Variants in DAP observed in about 807,000 individuals in gnomAD.
DAP encodes the protein death-associated protein 1.
DAP carries 8 observed loss-of-function variants against 13.8 expected under a neutral mutation model. The ratio of observed to expected loss-of-function variants is 0.58; its 90% CI spans 0.34 to 1.05. The LOEUF (loss-of-function observed/expected upper bound fraction) is 1.05. Ranked by LOEUF, DAP falls within the 50% of genes least tolerant of loss-of-function variation. DAP has a pLI of 0.03. For missense variants in DAP, 106 were observed against 133.2 expected, an observed-to-expected ratio of 0.80 and a Z score of 1.01; for synonymous variants, 47 against 47.5, an observed-to-expected ratio of 0.99 and a Z score of 0.04.
At chr5:10,701,615 G>A (rs1292536782) in intron 2 of DAP, among the ~76,000 whole-genome samples, 1 of 135,170 alleles carries the variant, frequency 7.4e-6, no homozygotes, top group African/African-American at 2.7e-5. Flanking sequence ...GGGCGGGGGG[G>A]CAGTGGGTGG....
At chr5:10,703,665 C>G (rs1262725433) in intron 2 of DAP, among the ~76,000 whole-genome samples, 8 of 152,212 alleles carry the variant, frequency 5.3e-5, no homozygotes, top group Admixed American at 5.2e-4. Flanking sequence ...TAATTCATAA[C>G]GGACTGGTAC....
At chr5:10,748,389 G>A (rs1426469406) in intron 1 of DAP, 118 bp from the exon 2 acceptor site, 1 of 765,380 alleles carries the variant, frequency 1.3e-6, no homozygotes, top group African/African-American at 1.7e-5. Flanking sequence ...GGAGAATCTG[G>A]CAATGAAAAT....
chr5:10,724,089 T>C (rs557069580), intron 2 of DAP, among the ~76,000 whole-genome samples: 1 of 152,214 alleles, frequency 6.6e-6, no homozygotes, highest in South Asian at 2.1e-4. Flanking sequence ...CAAAATGTTA[T>C]ACAATAATTT....
At chr5:10,713,447 G>A (rs1433900141) in intron 2 of DAP, among the ~76,000 whole-genome samples, 6 of 152,216 alleles carry the variant, frequency 3.9e-5, no homozygotes, top group African/African-American at 1.4e-4. Flanking sequence ...GAGGGAGGCA[G>A]AAGAGTGAAA....
chr5:10,757,168 AGTC>A (rs1740209767), intron 1 of DAP, among the ~76,000 whole-genome samples: 1 of 152,204 alleles, frequency 6.6e-6, no homozygotes, highest in Non-Finnish European at 1.5e-5. Context: ...CCAGTGATGG[AGTC>A]GTCTGTCGGG....
intron 2 of DAP, among the ~76,000 whole-genome samples, chr5:10,718,805 T>G (rs190932296): frequency 1.5e-4 from 23 of 152,350 alleles, no homozygotes; most frequent in Admixed American, 3.3e-4. Flanking sequence ...CAATTTGCCT[T>G]CATCTGGCAA....
At chr5:10,731,495 GGCTCAGCAGTGCTCCCT>G (rs1739460273) in intron 2 of DAP, among the ~76,000 whole-genome samples, 1 of 152,176 alleles carries the variant, frequency 6.6e-6, no homozygotes, top group Non-Finnish European at 1.5e-5. Flanking sequence ...CCTAACATCT[GGCTCAGCAGTGCTCCCT>G]GCACTTCATT....
chr5:10,732,180 AT>A (rs1361715365), intron 2 of DAP, among the ~76,000 whole-genome samples: 1 of 152,232 alleles, frequency 6.6e-6, no homozygotes, highest in African/African-American at 2.4e-5. Flanking sequence ...CTTCCTTTTT[AT>A]TGAGGTAACA....
chr5:10,701,812 T>C (rs986977857), intron 2 of DAP, among the ~76,000 whole-genome samples: 2 of 152,190 alleles, frequency 1.3e-5, no homozygotes, highest in Non-Finnish European at 2.9e-5. Context: ...TCTCAAAGCA[T>C]GTCAGACTAA....
At chr5:10,734,758 T>C (rs1411746066) in intron 2 of DAP, among the ~76,000 whole-genome samples, 1 of 152,226 alleles carries the variant, frequency 6.6e-6, no homozygotes. Context: ...TATTGGGCCA[T>C]GATGAATTAA....
rs138182085 is a variant in DAP at position 10,742,740 on chromosome 5, C to T, written c.152+5435G>A. On this transcript the variant is annotated intron_variant, in intron 2 of 3. Transcript: ENST00000230895. ...TGGAATCAACTACTTCTCCAAGGAA[C>T]CGTGGTTCCTCTGACTGGGGAATGG... Among the ~76,000 whole-genome samples the T allele has an allele frequency of 3.4e-3, 518 of 152,196 alleles. 3 individuals are homozygous for T. The highest frequency in any genetic ancestry group is 0.012 in the African/African-American group (504 of 41,518).
intron 2 of DAP, among the ~76,000 whole-genome samples, chr5:10,710,623 G>A (rs1403038190): frequency 6.6e-6 from 1 of 152,190 alleles, no homozygotes; most frequent in Admixed American, 6.5e-5. Context: ...ACCAATGGAC[G>A]GGCTGGTGGG....
chr5:10,758,222 TA>T (rs764070266), intron 1 of DAP, among the ~76,000 whole-genome samples: 1 of 147,262 alleles, frequency 6.8e-6, no homozygotes, highest in Non-Finnish European at 1.5e-5. Context: ...TTTTTTTTTT[TA>T]AAAACTATCT....
chr5:10,682,535 C>T (rs1440745080), intron 3 of DAP, among the ~76,000 whole-genome samples: 1 of 151,382 alleles, frequency 6.6e-6, no homozygotes, highest in East Asian at 1.9e-4. Context: ...AGGCCAGCGC[C>T]CACCAGCGTC....
intron 2 of DAP, among the ~76,000 whole-genome samples, chr5:10,688,689 CA>C (rs1738218547): frequency 6.6e-6 from 1 of 151,738 alleles, no homozygotes; most frequent in Non-Finnish European, 1.5e-5. Context: ...ACTGTCCCAT[CA>C]CAACTGCTGA....
chr5:10,686,566 A>G (rs2126635666), intron 2 of DAP, among the ~76,000 whole-genome samples: 1 of 152,336 alleles, frequency 6.6e-6, no homozygotes, highest in East Asian at 1.9e-4. Flanking sequence ...TCTGGATAAA[A>G]GACAAGCCAC....
chr5:10,746,606 T>G (rs1739912902), intron 2 of DAP, among the ~76,000 whole-genome samples: 1 of 152,134 alleles, frequency 6.6e-6, no homozygotes, highest in Non-Finnish European at 1.5e-5. Context: ...CTGGGATTAC[T>G]GGCGTGAGAC....
intron 2 of DAP, among the ~76,000 whole-genome samples, chr5:10,732,253 C>T (rs1051433776): frequency 1.3e-5 from 2 of 152,204 alleles, no homozygotes; most frequent in African/African-American, 4.8e-5. Context: ...GCTTTTAATA[C>T]ATTCACTATG....
At chr5:10,709,084 G>A (rs539092310) in intron 2 of DAP, among the ~76,000 whole-genome samples, 1 of 152,308 alleles carries the variant, frequency 6.6e-6, no homozygotes, top group Admixed American at 6.5e-5. Context: ...GGCACCTCTG[G>A]AATAGACAAG....
Sources: gnomAD v4.1 joint callset for allele counts (sites outside exome capture counted in the v4.1 genomes callset) on GRCh38, gnomAD v4.1.1 for gene constraint, MANE v1.5 for transcripts, NCBI Gene and HGNC (gene_info 2026-07-23, HGNC 2026-07-21) for gene names.